The following WDR70 variants were observed in gnomAD, a reference collection of about 807,000 sequenced individuals.
WDR70 encodes the protein WD repeat-containing protein 70.
WDR70 carries 53 observed loss-of-function variants against 88.6 expected under a neutral mutation model. That is an observed-to-expected ratio of 0.60 (90% CI 0.48 to 0.75). The LOEUF (loss-of-function observed/expected upper bound fraction) is 0.75, where lower values mean the gene tolerates loss of function less well. Ranked by LOEUF, WDR70 falls within the 30% of genes least tolerant of loss-of-function variation. The pLI, the probability that WDR70 is intolerant of heterozygous loss-of-function variation, is 0.00. For missense variants in WDR70, 610 were observed against 823.2 expected (o/e 0.74, Z 3.17); for synonymous variants, 280 against 270.0 (o/e 1.04, Z -0.36).
rs181480371 is a variant in WDR70, at chr5:37,733,649, T to G, written c.1877+6604T>G. Among the ~76,000 whole-genome samples the G allele has an allele frequency of 3.3e-5, 5 of 150,128 alleles. No individual in the cohort carries two copies. The East Asian group carries it at 9.9e-4, about 30-fold the overall frequency. On this transcript the variant is annotated intron_variant, in intron 17 of 17. Transcript: ENST00000265107. ...GCGCTGCCTGTTCTCATTATTCTTA[T>G]GAGAATGTGTCTATCTATTCTTGCA...
chr5:37,719,607 T>C (rs1206847972), intron 13 of WDR70, among the ~76,000 whole-genome samples: 1 of 152,154 alleles, frequency 6.6e-6, no homozygotes, highest in East Asian at 1.9e-4. Context: ...CTGTACAATA[T>C]CCCATTCCTC....
chr5:37,721,854 C>T (rs1490498824), intron 14 of WDR70: 1 of 152,242 alleles, frequency 6.6e-6, no homozygotes, highest in African/African-American at 2.4e-5. Flanking sequence ...GTTTCTCTCT[C>T]TTAAAGTACA....
At chr5:37,685,442 T>C (rs551157609) in intron 10 of WDR70, among the ~76,000 whole-genome samples, 11 of 152,082 alleles carry the variant, frequency 7.2e-5, no homozygotes, top group Non-Finnish European at 1.5e-4. Flanking sequence ...GTAGGAGCTA[T>C]GATATAGGCC....
At chr5:37,439,162 C>T (rs1375214160) in intron 6 of WDR70, among the ~76,000 whole-genome samples, 1 of 152,052 alleles carries the variant, frequency 6.6e-6, no homozygotes, top group Non-Finnish European at 1.5e-5. Context: ...TCATGATCTT[C>T]CTGCCTCGGC....
intron 10 of WDR70, among the ~76,000 whole-genome samples, chr5:37,673,583 A>AC (rs139281997): frequency 0.31 from 23,617 of 75,880 alleles, 3,364 homozygotes; most frequent in Middle Eastern, 0.36. Context: ...GACTTTTCTT[A>AC]CCCCCCCCCC....
rs573545354 is a variant in WDR70, at chr5:37,594,147, A to G, written c.918-10917A>G. Among the ~76,000 whole-genome samples the G allele has an allele frequency of 3.9e-5, 6 of 151,946 alleles. No homozygotes were observed. In the South Asian group the frequency reaches 1.0e-3, roughly 26 times the overall value. On this transcript the variant is annotated intron_variant, in intron 9 of 17. Transcript: ENST00000265107. ...TCTTTTGCCGTATGGAAGCTCTTTAATTAGATCCCATTTGTCAATTTTGCC... is the reference window on the plus strand; with the variant it reads ...TCTTTTGCCGTATGGAAGCTCTTTAGTTAGATCCCATTTGTCAATTTTGCC...
chr5:37,573,278 G>A (rs1434174716), intron 9 of WDR70, among the ~76,000 whole-genome samples: 3 of 151,828 alleles, frequency 2.0e-5, no homozygotes, highest in East Asian at 1.9e-4. Context: ...TTCTTTACTG[G>A]GTCATTTCAA....
intron 9 of WDR70, among the ~76,000 whole-genome samples, chr5:37,590,821 G>A (rs1195947838): frequency 6.6e-6 from 1 of 151,980 alleles, no homozygotes; most frequent in Non-Finnish European, 1.5e-5. Flanking sequence ...AAAAACATAA[G>A]GGCCCCAAAT....
At chr5:37,398,357 G>T (rs1379785644) in intron 5 of WDR70, among the ~76,000 whole-genome samples, 1 of 150,208 alleles carries the variant, frequency 6.7e-6, no homozygotes, top group Non-Finnish European at 1.5e-5. Flanking sequence ...CAAAGTGCTG[G>T]GACAGGCGTG....
At chr5:37,450,355 G>C (rs1738636763) in intron 7 of WDR70, among the ~76,000 whole-genome samples, 1 of 152,078 alleles carries the variant, frequency 6.6e-6, no homozygotes, top group Non-Finnish European at 1.5e-5. Flanking sequence ...ACTGCTCTTA[G>C]GCTGACTCAG....
chr5:37,717,808 C>T (rs1017584463), intron 13 of WDR70, among the ~76,000 whole-genome samples: 2 of 152,108 alleles, frequency 1.3e-5, no homozygotes, highest in South Asian at 2.1e-4. Flanking sequence ...AATGTGGAGC[C>T]GCATTAGCTG....
intron 3 of WDR70, among the ~76,000 whole-genome samples, chr5:37,389,070 G>A (rs1175796819): frequency 6.6e-6 from 1 of 151,460 alleles, no homozygotes; most frequent in Non-Finnish European, 1.5e-5. Flanking sequence ...GGGTGAACTA[G>A]GAGCTAAGCA....
intron 10 of WDR70, among the ~76,000 whole-genome samples, chr5:37,684,678 T>G (rs1746529084): frequency 1.3e-5 from 2 of 152,176 alleles, no homozygotes; most frequent in South Asian, 4.1e-4. Flanking sequence ...TGTGCTGGGG[T>G]GGGGGCTGAG....
intron 5 of WDR70, among the ~76,000 whole-genome samples, chr5:37,417,207 TCTTTA>T (rs1749786048): frequency 6.6e-6 from 1 of 152,190 alleles, no homozygotes; most frequent in Non-Finnish European, 1.5e-5. Flanking sequence ...GATTATAGTC[TCTTTA>T]CTTACAAGTT....
intron 10 of WDR70, among the ~76,000 whole-genome samples, chr5:37,671,249 C>T (rs529463473): frequency 3.3e-5 from 5 of 152,082 alleles, no homozygotes; most frequent in African/African-American, 4.8e-5. Flanking sequence ...GGTAGCCTAG[C>T]GTTTGGCTCA....
chr5:37,507,510 C>CT (rs1740599466), intron 8 of WDR70, among the ~76,000 whole-genome samples: 1 of 152,158 alleles, frequency 6.6e-6, no homozygotes, highest in Non-Finnish European at 1.5e-5. Flanking sequence ...ATCTTCCCCC[C>CT]TCCCCTGCAC....
intron 8 of WDR70, chr5:37,505,796 A>G (rs1366775673): frequency 2.1e-6 from 3 of 1,398,812 alleles, no homozygotes; most frequent in Non-Finnish European, 3.0e-6. Context: ...ACCCAGACAG[A>G]TCACAGTTCT....
chr5:37,564,496 C>A (rs991108778), intron 9 of WDR70, among the ~76,000 whole-genome samples: 4 of 150,086 alleles, frequency 2.7e-5, no homozygotes, highest in Non-Finnish European at 5.9e-5. Context: ...AGCTTTGGGT[C>A]GGCATCAGGG....
At chr5:37,675,465 TC>T (rs1746174982) in intron 10 of WDR70, among the ~76,000 whole-genome samples, 1 of 152,186 alleles carries the variant, frequency 6.6e-6, no homozygotes, top group African/African-American at 2.4e-5. Flanking sequence ...TAGCCAGTTT[TC>T]CCAGCACCAT....
Sources: allele counts gnomAD v4.1 joint callset (sites outside exome capture counted in the v4.1 genomes callset), GRCh38; gene constraint gnomAD v4.1.1; transcripts MANE v1.5; gene names NCBI Gene and HGNC (gene_info 2026-07-23, HGNC 2026-07-21).